PPP1R13B: variants seen among roughly 807,000 people sequenced by gnomAD.
PPP1R13B encodes protein phosphatase 1 regulatory subunit 13B.
Under a neutral mutation model 119.8 loss-of-function variants are expected in PPP1R13B, and 44 were observed. That is an observed-to-expected ratio of 0.37 (90% CI 0.29 to 0.47). The LOEUF (loss-of-function observed/expected upper bound fraction) is 0.47, where lower values mean the gene tolerates loss of function less well. Ranked by LOEUF, PPP1R13B falls within the 20% of genes least tolerant of loss-of-function variation. PPP1R13B has a pLI of 0.99. For synonymous variants in PPP1R13B, 542 were observed against 561.5 expected, an observed-to-expected ratio of 0.97 and a Z score of 0.49; for missense variants, 1,227 against 1,413.5, an observed-to-expected ratio of 0.87 and a Z score of 2.12.
At chr14:103,790,964 C>T (rs962283208) in intron 2 of PPP1R13B, among the ~76,000 whole-genome samples, 1 of 152,116 alleles carries the variant, frequency 6.6e-6, no homozygotes, top group Non-Finnish European at 1.5e-5. Flanking sequence ...GATGTCAAGA[C>T]AAGAGATAAA....
chr14:103,832,764 C>T (rs1228016094), intron 1 of PPP1R13B, among the ~76,000 whole-genome samples: 1 of 152,094 alleles, frequency 6.6e-6, no homozygotes, highest in Non-Finnish European at 1.5e-5. Flanking sequence ...GGAAGAATCA[C>T]CAGAGGTCAG....
chr14:103,777,477 A>G (rs752167423), intron 4 of PPP1R13B, among the ~76,000 whole-genome samples: 7 of 152,074 alleles, frequency 4.6e-5, no homozygotes, highest in South Asian at 2.1e-4. Context: ...AAGTCAGCCT[A>G]CTCAACTCTT....
chr14:103,747,717 C>T (rs2084422932), intron 8 of PPP1R13B, among the ~76,000 whole-genome samples: 1 of 152,184 alleles, frequency 6.6e-6, no homozygotes, highest in South Asian at 2.1e-4. Context: ...TATGCCTTTG[C>T]ATCCTCATAG....
chr14:103,807,463 G>A (rs1015779496), intron 1 of PPP1R13B, among the ~76,000 whole-genome samples: 8 of 151,994 alleles, frequency 5.3e-5, no homozygotes, highest in African/African-American at 1.9e-4. Flanking sequence ...TGGCACGTAA[G>A]AAGCACTCAA....
intron 1 of PPP1R13B, among the ~76,000 whole-genome samples, chr14:103,832,630 A>C (rs76655800): frequency 2.0e-5 from 3 of 152,176 alleles, no homozygotes; most frequent in Non-Finnish European, 4.4e-5. Flanking sequence ...AAAGGTATCA[A>C]TTTTAACTTA....
intron 9 of PPP1R13B, among the ~76,000 whole-genome samples, chr14:103,744,546 G>A (rs996350520): frequency 6.6e-6 from 1 of 152,224 alleles, no homozygotes; most frequent in Admixed American, 6.5e-5. Context: ...GGAAAAACAA[G>A]TGACAGGTGA....
chr14:103,840,683 T>C (rs976546855), intron 1 of PPP1R13B, among the ~76,000 whole-genome samples: 1 of 151,786 alleles, frequency 6.6e-6, no homozygotes, highest in African/African-American at 2.4e-5. Flanking sequence ...CCCAGCTGCT[T>C]TGGAGGATGA....
intron 1 of PPP1R13B, among the ~76,000 whole-genome samples, chr14:103,813,262 G>A (rs1030407434): frequency 4.6e-5 from 7 of 151,778 alleles, no homozygotes; most frequent in African/African-American, 1.7e-4. Context: ...CCAGAAGAGA[G>A]TCCCCACTGT....
chr14:103,822,541 C>T (rs900844876), intron 1 of PPP1R13B, among the ~76,000 whole-genome samples: 6 of 152,082 alleles, frequency 3.9e-5, no homozygotes, highest in South Asian at 2.1e-4. Flanking sequence ...CCTATTTCAC[C>T]GGTGGCTCAC....
At chr14:103,762,940 C>T in intron 4 of PPP1R13B, 3 of 980,996 alleles carry the variant, frequency 3.1e-6, no homozygotes, top group Non-Finnish European at 3.2e-6. Context: ...TCCCCGTCTA[C>T]AGTATCTGCT....
intron 9 of PPP1R13B, 183 bp from the exon 10 acceptor site, chr14:103,743,006 CGT>C (rs1351269077): frequency 3.1e-6 from 2 of 648,470 alleles, no homozygotes; most frequent in Non-Finnish European, 5.2e-6. Context: ...CCCACAGACC[CGT>C]GCACAAGACC....
intron 1 of PPP1R13B, among the ~76,000 whole-genome samples, chr14:103,816,849 C>A (rs1007776545): frequency 1.9e-4 from 29 of 151,996 alleles, no homozygotes; most frequent in Admixed American, 3.9e-4. Context: ...CTGAAGAACA[C>A]TTTTATATAA....
intron 15 of PPP1R13B, chr14:103,737,401 C>CAA (rs774685953): frequency 4.9e-3 from 796 of 161,270 alleles, no homozygotes; most frequent in Middle Eastern, 9.6e-3. Flanking sequence ...ACTGTCTCTA[C>CAA]AAAAAAAAAA....
At chr14:103,794,434 C>A (rs1180589745) in intron 2 of PPP1R13B, 2 of 166,836 alleles carry the variant, frequency 1.2e-5, no homozygotes, top group African/African-American at 2.4e-5. Flanking sequence ...TCAAGCGATT[C>A]TCCTGCCTCA....
Position 103,805,117 on chromosome 14 carries a change from G to C in PPP1R13B, c.10-7599C>G, listed in dbSNP as rs143890559. ...CTCTCAAAGTGCTGGGATTACAGGC[G>C]TGAGCCACTATGCCCGGCCTAAAAA... On this transcript the variant is annotated intron_variant, in intron 1 of 16. Transcript: ENST00000202556. Among the ~76,000 whole-genome samples, 923 of 152,188 alleles carry C rather than the reference G, an allele frequency of 6.1e-3. 11 individuals carry two copies. Among genetic ancestry groups the C allele is most frequent in the African/African-American group, 0.021 (868 of 41,520 alleles).
chr14:103,790,379 CAT>C (rs1234010139), intron 2 of PPP1R13B, among the ~76,000 whole-genome samples: 5 of 152,082 alleles, frequency 3.3e-5, no homozygotes, highest in African/African-American at 4.8e-5. Flanking sequence ...CCCTAAAATT[CAT>C]ATGTTGAAAC....
intron 5 of PPP1R13B, among the ~76,000 whole-genome samples, chr14:103,755,246 G>C (rs565574128): frequency 6.6e-6 from 1 of 152,286 alleles, no homozygotes; most frequent in African/African-American, 2.4e-5. Flanking sequence ...ATTTCCTGCT[G>C]CTACAAAGTG....
chr14:103,834,352 G>A (rs1219941321), intron 1 of PPP1R13B, among the ~76,000 whole-genome samples: 1 of 152,046 alleles, frequency 6.6e-6, no homozygotes, highest in Non-Finnish European at 1.5e-5. Flanking sequence ...CTCTAGCCTC[G>A]GTGACAGAGT....
In PPP1R13B at chr14:103,814,412, T is replaced by C. The variant is rs532130287; in HGVS notation, c.10-16894A>G. ...GTCCCAAGTCTGCTGAACTAATAAA[T>C]ACTAGAGTCAGGATTTAACCCTGGC... On this transcript the variant is annotated intron_variant, in intron 1 of 16. Transcript: ENST00000202556. Among the ~76,000 whole-genome samples, 14 of 152,254 alleles carry C rather than the reference T, an allele frequency of 9.2e-5. 1 individual carries two copies. In the South Asian group the frequency reaches 2.9e-3, roughly 32 times the overall value.
Sources: allele counts gnomAD v4.1 joint callset (sites outside exome capture counted in the v4.1 genomes callset), GRCh38; gene constraint gnomAD v4.1.1; transcripts MANE v1.5; gene names NCBI Gene and HGNC (gene_info 2026-07-23, HGNC 2026-07-21).